Variants in ADAM23 observed in about 807,000 individuals in gnomAD.
ADAM23 encodes the protein ADAM metallopeptidase domain 23.
In ADAM23, 33 loss-of-function variants were observed where a neutral mutation model predicts 120.1. That is an observed-to-expected ratio of 0.27 (90% CI 0.21 to 0.37). The LOEUF is 0.37. Among genes scored for constraint, ADAM23 ranks in the 10% least tolerant of loss-of-function variants. ADAM23 has a pLI of 1.00. For synonymous variants in ADAM23, 367 were observed against 375.2 expected, an observed-to-expected ratio of 0.98 and a Z score of 0.25; for missense variants, 862 against 1,058.2, an observed-to-expected ratio of 0.81 and a Z score of 2.57.
chr2:206,478,871 T>A (rs779756656), intron 2 of ADAM23, among the ~76,000 whole-genome samples: 2 of 152,022 alleles, frequency 1.3e-5, no homozygotes, highest in Non-Finnish European at 2.9e-5. Flanking sequence ...ATCTTTTGAG[T>A]TGTTGTTCAA....
intron 2 of ADAM23, among the ~76,000 whole-genome samples, chr2:206,473,515 C>T (rs1310806715): frequency 6.6e-6 from 1 of 151,546 alleles, no homozygotes; most frequent in African/African-American, 2.4e-5. Context: ...GGGAGGATTG[C>T]TTGAGGAGGC....
At chr2:206,557,355 T>C (rs111417993) in intron 9 of ADAM23, 72 bp from the exon 10 acceptor site, 1 of 1,207,024 alleles carries the variant, frequency 8.3e-7, no homozygotes, top group South Asian at 1.2e-5. Context: ...GAGATATTTC[T>C]GCTTTTACAG....
chr2:206,514,575 C>T (rs138766889), intron 3 of ADAM23, among the ~76,000 whole-genome samples: 1 of 152,272 alleles, frequency 6.6e-6, no homozygotes, highest in African/African-American at 2.4e-5. Flanking sequence ...GAAATGACAG[C>T]AAAGGATTTA....
chr2:206,557,704 A>G (rs1697674364), intron 10 of ADAM23, among the ~76,000 whole-genome samples: 1 of 152,218 alleles, frequency 6.6e-6, no homozygotes, highest in South Asian at 2.1e-4. Context: ...TCCCAAAGAT[A>G]CATTAGTGTT....
chr2:206,608,793 A>G (rs910983495), intron 24 of ADAM23, among the ~76,000 whole-genome samples: 6 of 152,310 alleles, frequency 3.9e-5, no homozygotes, highest in South Asian at 2.1e-4. Context: ...GCATCCATTT[A>G]TGTACACAGT....
chr2:206,522,983 A>G (rs1447066489), intron 3 of ADAM23, among the ~76,000 whole-genome samples: 1 of 152,072 alleles, frequency 6.6e-6, no homozygotes, highest in African/African-American at 2.4e-5. Flanking sequence ...AAGAAACGAA[A>G]CATCTTTCAT....
chr2:206,614,472 T>G (rs1354866304), intron 25 of ADAM23, among the ~76,000 whole-genome samples: 1 of 152,052 alleles, frequency 6.6e-6, no homozygotes, highest in Admixed American at 6.5e-5. Flanking sequence ...CTGGCCAACA[T>G]GGTGAAACCC....
At chr2:206,491,630 CA>C (rs1205831501) in intron 3 of ADAM23, among the ~76,000 whole-genome samples, 1 of 152,050 alleles carries the variant, frequency 6.6e-6, no homozygotes, top group East Asian at 1.9e-4. Flanking sequence ...TTAATTGTGA[CA>C]AAAAATTGAA....
chr2:206,464,140 T>C (rs1012243330), intron 2 of ADAM23, among the ~76,000 whole-genome samples: 1 of 152,232 alleles, frequency 6.6e-6, no homozygotes, highest in African/African-American at 2.4e-5. Flanking sequence ...TGGCTATATA[T>C]TTTTAAAAAT....
At chr2:206,580,659 G>A (rs1346200254) in intron 18 of ADAM23, among the ~76,000 whole-genome samples, 2 of 152,172 alleles carry the variant, frequency 1.3e-5, no homozygotes, top group African/African-American at 4.8e-5. Context: ...GTTCATCAAG[G>A]ATATCGGTGT....
intron 1 of ADAM23, 42 bp from the exon 2 acceptor site, chr2:206,445,263 GTA>G: frequency 7.2e-7 from 1 of 1,384,694 alleles, no homozygotes; most frequent in Non-Finnish European, 1.0e-6. Context: ...GTGTGTTTGT[GTA>G]TGTTTGTATT....
intron 2 of ADAM23, among the ~76,000 whole-genome samples, chr2:206,477,897 A>ATATATATATATATATATATATATATATAT (rs1553548673): frequency 6.4e-5 from 6 of 93,570 alleles, no homozygotes; most frequent in African/African-American, 2.1e-4. Context: ...AAAAAAAAAA[A>ATATATATATATATATATATATATATATAT]ATATATATAT....
intron 4 of ADAM23, among the ~76,000 whole-genome samples, chr2:206,539,618 G>T (rs903234775): frequency 6.6e-6 from 1 of 152,208 alleles, no homozygotes. Flanking sequence ...ATCCCTGGGT[G>T]GAAGGCACCC....
At chr2:206,584,969 C>T (rs1414556185) in intron 18 of ADAM23, among the ~76,000 whole-genome samples, 6 of 152,152 alleles carry the variant, frequency 3.9e-5, no homozygotes, top group African/African-American at 1.4e-4. Context: ...GACTCAGTTC[C>T]AGGTAAAGTC....
chr2:206,619,459 A>G lies in ADAM23; in HGVS notation c.*1832A>G, dbSNP rs1267112054. 6.6e-6 allele frequency: 1 copy of G among 151,954 alleles called. No individual in the cohort carries two copies. Among genetic ancestry groups the G allele is most frequent in the Non-Finnish European group, 1.5e-5 (1 of 68,010 alleles). The allele number at this position is 151,954 out of a possible 1,614,324, so 9.4% of individuals were successfully genotyped here. A position where few individuals can be genotyped will look rare whatever the true frequency, so the allele number is the denominator to read the frequency against. On this transcript the variant is annotated 3_prime_UTR_variant, in exon 26 of 26. Transcript: ENST00000264377. ...TGATCACTTCAGTGAGCATCCCTCT[A>G]TAGATGGGCTTTAGTAAAGACTGTC...
At chr2:206,564,475 G>A (rs1697839045) in intron 13 of ADAM23, among the ~76,000 whole-genome samples, 1 of 152,138 alleles carries the variant, frequency 6.6e-6, no homozygotes, top group Non-Finnish European at 1.5e-5. Flanking sequence ...AGCATTCTCT[G>A]TTAGAAAACT....
intron 9 of ADAM23, among the ~76,000 whole-genome samples, chr2:206,552,952 A>C (rs1559261078): frequency 6.6e-6 from 1 of 152,128 alleles, no homozygotes; most frequent in Non-Finnish European, 1.5e-5. Flanking sequence ...GCTGGCGTGA[A>C]CCACCATGCC....
At chr2:206,478,913 C>T (rs1695838418) in intron 2 of ADAM23, among the ~76,000 whole-genome samples, 3 of 152,114 alleles carry the variant, frequency 2.0e-5, no homozygotes, top group Admixed American at 1.3e-4. Flanking sequence ...CTTTCTGCAC[C>T]TCTCTGTGCC....
intron 9 of ADAM23, among the ~76,000 whole-genome samples, chr2:206,550,843 C>T (rs550555577): frequency 1.4e-4 from 22 of 152,146 alleles, no homozygotes; most frequent in African/African-American, 4.6e-4. Context: ...CCTCGTGATC[C>T]GCCTGCCTCG....
Sources: allele counts gnomAD v4.1 joint callset (sites outside exome capture counted in the v4.1 genomes callset), GRCh38; gene constraint gnomAD v4.1.1; transcripts MANE v1.5; gene names NCBI Gene and HGNC (gene_info 2026-07-23, HGNC 2026-07-21).